TMEM210: variants seen among roughly 807,000 people sequenced by gnomAD.
The protein encoded by TMEM210 is transmembrane protein 210.
In TMEM210, 7 loss-of-function variants were observed where a neutral mutation model predicts 10.3. That is an observed-to-expected ratio of 0.68 (90% CI 0.39 to 1.28). The LOEUF is 1.28. Ranked by LOEUF, TMEM210 falls within the 50% of genes most tolerant of loss-of-function variation. The pLI is 0.01. For missense variants in TMEM210, 185 were observed against 197.8 expected (o/e 0.94, Z 0.39); for synonymous variants, 79 against 81.2 (o/e 0.97, Z 0.14).
At position 137,171,015 on chromosome 9, in the gene TMEM210, G is replaced by A. The variant is rs768921492; in HGVS notation, c.404C>T (p.Ser135Leu). Residue 135 changes from serine to leucine, a missense_variant, in exon 4 of 4, where the codon TCA (serine) becomes TTA (leucine). Coordinates refer to ENST00000413619, the MANE Select transcript of TMEM210 (RefSeq NM_001282477.2). Reference protein sequence around the residue: ...SLVAIPMEASSEEPPPPPPLP... With the variant: ...SLVAIPMEASLEEPPPPPPLP... ...GGGCGGGGGTGGTGGCGGCTCCTCT[G>A]AAGAAGCCTCCATGGGGATGGCCAC... The A allele has an allele frequency of 8.5e-6, 13 of 1,535,130 alleles. No homozygotes were observed. The highest frequency in any genetic ancestry group is 1.0e-5 in the Non-Finnish European group (12 of 1,146,428).
Position 137,171,303 on chromosome 9 carries a change from C to T in TMEM210, c.254+111G>A. 2.0e-6 allele frequency: 3 copies of T among 1,503,518 alleles called. No homozygotes were observed. In the East Asian group the frequency reaches 7.4e-5, roughly 37 times the overall value. The allele number at this position is 1,503,518 out of a possible 1,614,324, so 93.1% of individuals were successfully genotyped here. On this transcript the variant is annotated intron_variant, in intron 3 of 3. Coordinates refer to ENST00000413619, the MANE Select transcript of TMEM210 (RefSeq NM_001282477.2). ...CTCTTCCAGGGACAGCACCCCTCCTCCTCCAGGGACAGCACCCCTCCTCCT... is the reference window on the plus strand; with the variant it reads ...CTCTTCCAGGGACAGCACCCCTCCTTCTCCAGGGACAGCACCCCTCCTCCT...
rs1024779171 is a variant in TMEM210, at chr9:137,171,293, C to T, written c.254+121G>A. ...AGCACACCTCCTCTTCCAGGGACAG[C>T]ACCCCTCCTCCTCCAGGGACAGCAC... On this transcript the variant is annotated intron_variant, in intron 3 of 3. Coordinates refer to ENST00000413619, the MANE Select transcript of TMEM210 (RefSeq NM_001282477.2). The T allele has an allele frequency of 3.4e-6, 5 of 1,490,192 alleles. No homozygotes were observed. In the African/African-American group the frequency reaches 5.6e-5, roughly 17 times the overall value. 92.3% of individuals were successfully genotyped at this position (1,490,192 alleles called of 1,614,324 possible).
chr9:137,170,918 A>C lies in TMEM210; in HGVS notation c.*57T>G. ...GCCCTCAGGAGGGCCTGCAGGGAGG[A>C]CAGTGCACAGCCACTAAATACGCTT... On this transcript the variant is annotated 3_prime_UTR_variant, in exon 4 of 4. Coordinates refer to ENST00000413619, the MANE Select transcript of TMEM210 (RefSeq NM_001282477.2). The C allele has an allele frequency of 6.7e-7, 1 of 1,481,616 alleles. No homozygotes were observed. Among genetic ancestry groups the C allele is most frequent in the Non-Finnish European group, 9.0e-7 (1 of 1,113,518 alleles). 91.8% of individuals were successfully genotyped at this position (1,481,616 alleles called of 1,614,324 possible).
At chr9:137,171,553 G>T in intron 2 of TMEM210, 88 bp downstream of exon 2, 2 of 1,532,844 alleles carry the variant, frequency 1.3e-6, no homozygotes, top group Admixed American at 3.9e-5. Flanking sequence ...GCCCACCCAG[G>T]GGGTAAAGCC....
rs1834109536 is a variant in TMEM210, at chr9:137,171,627, C to T, written c.224+14G>A. 2.0e-6 allele frequency: 3 copies of T among 1,531,478 alleles called. No individual in the cohort carries two copies. The highest frequency in any genetic ancestry group is 2.0e-5 in the Admixed American group (1 of 50,768). 94.9% of individuals were successfully genotyped at this position (1,531,478 alleles called of 1,614,324 possible). A position where few individuals can be genotyped will look rare whatever the true frequency, so the allele number is the denominator to read the frequency against. On this transcript the variant is annotated intron_variant, in intron 2 of 3. Transcript: ENST00000413619. ...CCTCACTCCCATCCTCTCCCGGCCC[C>T]AGGGTTCACGCACCCCTTGGCCCGC...
Position 137,171,023 on chromosome 9 carries a change from C to G in TMEM210, c.396G>C (p.Glu132Asp), listed in dbSNP as rs1202193738. ...GTGGTGGCGGCTCCTCTGAAGAAGC[C>G]TCCATGGGGATGGCCACAAGGCTCT... is the stretch of plus-strand genomic sequence containing the variant. ...EDQSLVAIPMEASSEEPPPPP... is the reference protein window; with the variant it reads ...EDQSLVAIPMDASSEEPPPPP... Residue 132 changes from glutamate to aspartate, a missense_variant, in exon 4 of 4, where the codon GAG (glutamate) becomes GAC (aspartate). Coordinates refer to ENST00000413619, the MANE Select transcript of TMEM210 (RefSeq NM_001282477.2). The G allele has an allele frequency of 1.3e-6, 2 of 1,535,182 alleles. No individual in the cohort carries two copies. Among genetic ancestry groups the G allele is most frequent in the East Asian group, 2.4e-5 (1 of 40,934 alleles).
chr9:137,171,400 TC>T lies in TMEM210; in HGVS notation c.254+13del. On this transcript the variant is annotated intron_variant, in intron 3 of 3. Transcript: ENST00000413619. ...AGACAGCGTGCCTCCCTCGAGGGCCTCCCTGGTGCTCACCTGTTGTCCACTT... is the reference window on the plus strand; with the variant it reads ...AGACAGCGTGCCTCCCTCGAGGGCCTCCTGGTGCTCACCTGTTGTCCACTT... 2 of 1,535,410 alleles carry T rather than the reference TC, an allele frequency of 1.3e-6. No homozygotes were observed. The highest frequency in any genetic ancestry group is 8.7e-7 in the Non-Finnish European group (1 of 1,146,596).
At chr9:137,171,290 C>T (rs1834101932) in intron 3 of TMEM210, 124 bp downstream of exon 3, 1 of 1,487,994 alleles carries the variant, frequency 6.7e-7, no homozygotes, top group African/African-American at 1.4e-5. Flanking sequence ...CTTCCAGGGA[C>T]AGCACCCCTC....
At chr9:137,171,505 C>T in intron 2 of TMEM210, 62 bp from the exon 3 acceptor site, 5 of 1,535,370 alleles carry the variant, frequency 3.3e-6, no homozygotes, top group Non-Finnish European at 3.5e-6. Context: ...GCTCCCCCAG[C>T]ACACGCCTAG....
In TMEM210 at chr9:137,171,044, G is replaced by C. The variant is rs957516149; in HGVS notation, c.375C>G (p.Ser125Arg). The change falls in exon 4 of 4, where the codon AGC (serine) becomes AGG (arginine). Residue 125 changes from serine (S) to arginine (R), a missense_variant. By Grantham distance (110) the Ser-to-Arg change is moderately radical. Coordinates refer to ENST00000413619, the MANE Select transcript of TMEM210 (RefSeq NM_001282477.2). ...VSLVPPLEDQ[S>R]LVAIPMEASS... ...AAGCCTCCATGGGGATGGCCACAAG[G>C]CTCTGATCCTCTAGTGGTGGCACCA... 1.2e-5 allele frequency: 19 copies of C among 1,535,330 alleles called. No homozygotes were observed. Among genetic ancestry groups the C allele is most frequent in the Non-Finnish European group, 1.6e-5 (18 of 1,146,524 alleles).
In TMEM210 at chr9:137,171,206, G is replaced by A. The variant is rs1309127830; in HGVS notation, c.255-42C>T. On this transcript the variant is annotated intron_variant, in intron 3 of 3. Transcript: ENST00000413619. Reference sequence around the variant, plus strand: ...GTCATCACGAGCTGGTAGAGTCCTTGTTCCCCCAGGACAGGCTGGCGTCTG... The same window carrying A: ...GTCATCACGAGCTGGTAGAGTCCTTATTCCCCCAGGACAGGCTGGCGTCTG... 10 of 1,523,008 alleles carry A rather than the reference G, an allele frequency of 6.6e-6. No individual in the cohort carries two copies. In the East Asian group the frequency reaches 2.5e-4, roughly 37 times the overall value. 94.3% of individuals were successfully genotyped at this position (1,523,008 alleles called of 1,614,324 possible). A position where few individuals can be genotyped will look rare whatever the true frequency, so the allele number is the denominator to read the frequency against.
At position 137,171,661 on chromosome 9, in the gene TMEM210, A is replaced by G. The variant is rs1250318396; in HGVS notation, c.204T>C (p.Ile68=). The change falls in exon 2 of 4, where the codon ATT becomes ATC. Residue 68 remains isoleucine (I), a synonymous_variant. Coordinates refer to ENST00000413619, the MANE Select transcript of TMEM210 (RefSeq NM_001282477.2). ...SCFCALVIVA[I]GVLRAKGETC... is the part of the protein sequence containing the mutation. ...CGCACCCCTTGGCCCGCAAGACACC[A>G]ATTGCCACGATGACGAGGGCACAGA... 2.0e-6 allele frequency: 3 copies of G among 1,535,174 alleles called. No individual in the cohort carries two copies. The highest frequency in any genetic ancestry group is 2.6e-6 in the Non-Finnish European group (3 of 1,146,412).
chr9:137,170,879 C>T lies in TMEM210; in HGVS notation c.*96G>A. ...CACAACCACTAAACAAGCTTTAATT[C>T]CCCTCCCCCAGCTGCCCTCAGGAGG... On this transcript the variant is annotated 3_prime_UTR_variant, in exon 4 of 4. Coordinates refer to ENST00000413619, the MANE Select transcript of TMEM210 (RefSeq NM_001282477.2). 7.4e-7 allele frequency: 1 copy of T among 1,347,280 alleles called. No homozygotes were observed. Among genetic ancestry groups the T allele is most frequent in the South Asian group, 1.5e-5 (1 of 68,090 alleles). The allele number at this position is 1,347,280 out of a possible 1,614,324, so 83.5% of individuals were successfully genotyped here.
intron 2 of TMEM210, 23 bp from the exon 3 acceptor site, chr9:137,171,466 G>A: frequency 6.5e-7 from 1 of 1,535,508 alleles, no homozygotes; most frequent in Non-Finnish European, 8.7e-7. Flanking sequence ...AGGCCAACAT[G>A]AGTCCTGGAA....
rs578046383 is a variant in TMEM210, at chr9:137,171,005, C to T, written c.414G>A (p.Pro138=). The T allele has an allele frequency of 2.8e-4, 430 of 1,534,560 alleles. 1 individual carries two copies. Among genetic ancestry groups the T allele is most frequent in the East Asian group, 4.2e-4 (17 of 40,916 alleles). ...CAGGTGGTAGGGGCGGGGGTGGTGG[C>T]GGCTCCTCTGAAGAAGCCTCCATGG... ...AIPMEASSEE[P]PPPPPLPPE Residue 138 remains proline (P), a synonymous_variant, in exon 4 of 4, where the codon CCG becomes CCA. Transcript: ENST00000413619.
chr9:137,171,745 G>C lies in TMEM210; in HGVS notation c.120C>G (p.Leu40=). 6.5e-7 allele frequency: 1 copy of C among 1,535,118 alleles called. No individual in the cohort carries two copies. The highest frequency in any genetic ancestry group is 8.7e-7 in the Non-Finnish European group (1 of 1,146,414). Residue 40 remains leucine, a synonymous_variant, in exon 2 of 4, where the codon CTC becomes CTG. Transcript: ENST00000413619. ...GGAGGGCGATGAGGGCCTCGCGGCT[G>C]AGGCCAAGGCTGCATTCACAGTAGG... ...AGTYCECSLG[L]SREALIALLV... is the part of the protein sequence containing the mutation.
rs1470258790 is a variant in TMEM210 at position 137,170,903 on chromosome 9, G to T, written c.*72C>A. 1.2e-5 allele frequency: 17 copies of T among 1,423,972 alleles called. No homozygotes were observed. The highest frequency in any genetic ancestry group is 1.2e-5 in the Non-Finnish European group (13 of 1,072,950). The allele number at this position is 1,423,972 out of a possible 1,614,324, so 88.2% of individuals were successfully genotyped here. A position where few individuals can be genotyped will look rare whatever the true frequency, so the allele number is the denominator to read the frequency against. ...TCCCCTCCCCCAGCTGCCCTCAGGA[G>T]GGCCTGCAGGGAGGACAGTGCACAG... On this transcript the variant is annotated 3_prime_UTR_variant, in exon 4 of 4. Transcript: ENST00000413619.
Sources: gnomAD v4.1 joint callset for allele counts on GRCh38, gnomAD v4.1.1 for gene constraint, MANE v1.5 for transcripts, NCBI Gene and HGNC (gene_info 2026-07-23, HGNC 2026-07-21) for gene names.